Variants in PRKCE observed in about 807,000 individuals in gnomAD.
PRKCE encodes the protein protein kinase C epsilon.
Under a neutral mutation model 85.4 loss-of-function variants are expected in PRKCE, and 16 were observed. The ratio of observed to expected loss-of-function variants is 0.19; its 90% confidence interval spans 0.13 to 0.28. The LOEUF is 0.28. Ranked by LOEUF, PRKCE falls within the 10% of genes least tolerant of loss-of-function variation. PRKCE has a pLI of 1.00. For missense variants in PRKCE, 573 were observed against 975.2 expected (o/e 0.59, Z 5.49); for synonymous variants, 388 against 371.5 (o/e 1.04, Z -0.51).
intron 11 of PRKCE, among the ~76,000 whole-genome samples, chr2:46,135,729 T>C (rs13406773): frequency 0.28 from 37,604 of 133,162 alleles, 5,536 homozygotes; most frequent in Middle Eastern, 0.43. Flanking sequence ...TTACCTTGGG[T>C]TCAGAAACAA....
intron 10 of PRKCE, among the ~76,000 whole-genome samples, chr2:46,023,071 C>G (rs1706807667): frequency 8.6e-6 from 1 of 116,642 alleles, no homozygotes; most frequent in Non-Finnish European, 1.6e-5. Context: ...TCCTGGGCGA[C>G]AGAGCGAGAC....
At position 45,706,131 on chromosome 2, in the gene PRKCE, G is replaced by A. The variant is rs551751712; in HGVS notation, c.348+53683G>A. ...CAGGTGAGTTCTTGAGGTTAGGGTA[G>A]GATGAGAAGCAGTAGAAGCCCTGGG... On this transcript the variant is annotated intron_variant, in intron 1 of 14. Transcript: ENST00000306156. Among the ~76,000 whole-genome samples, 7 of 152,262 alleles carry A rather than the reference G, an allele frequency of 4.6e-5. No individual in the cohort carries two copies. The South Asian group carries it at 1.5e-3, about 32-fold the overall frequency.
rs546930082 is a variant in PRKCE at position 45,778,848 on chromosome 2, A to G, written c.349-64152A>G. On this transcript the variant is annotated intron_variant, in intron 1 of 14. Coordinates refer to ENST00000306156, the MANE Select transcript of PRKCE (RefSeq NM_005400.3). Reference sequence around the variant, plus strand: ...CTCCTGACCCCGGGACATTATTTCTATTACTGTTAATATTTAAACTAATGG... The same window carrying G: ...CTCCTGACCCCGGGACATTATTTCTGTTACTGTTAATATTTAAACTAATGG... Among the ~76,000 whole-genome samples, 3 of 152,210 alleles carry G rather than the reference A, an allele frequency of 2.0e-5. No individual in the cohort carries two copies. In the East Asian group the frequency reaches 5.8e-4, roughly 29 times the overall value.
At chr2:46,030,256 C>T (rs1037771748) in intron 10 of PRKCE, among the ~76,000 whole-genome samples, 2 of 152,196 alleles carry the variant, frequency 1.3e-5, no homozygotes, top group Admixed American at 1.3e-4. Context: ...AGAAAGACAG[C>T]AGACTTGTTG....
chr2:46,123,148 CAAAAA>C (rs71394873), intron 11 of PRKCE, among the ~76,000 whole-genome samples: 2 of 84,294 alleles, frequency 2.4e-5, no homozygotes, highest in African/African-American at 4.8e-5. Flanking sequence ...AGTTCACTAG[CAAAAA>C]AAAAAAAAAA....
chr2:46,128,105 G>T (rs966930777), intron 11 of PRKCE, among the ~76,000 whole-genome samples: 1 of 152,166 alleles, frequency 6.6e-6, no homozygotes, highest in South Asian at 2.1e-4. Context: ...TACAATTCCT[G>T]GACAAATTAT....
intron 14 of PRKCE, among the ~76,000 whole-genome samples, chr2:46,165,336 A>G (rs2104616649): frequency 6.6e-6 from 1 of 152,314 alleles, no homozygotes; most frequent in African/African-American, 2.4e-5. Flanking sequence ...TGTGCCATCA[A>G]CACCAAACCA....
rs1323310352 is a variant in PRKCE, at chr2:46,004,746, G to T, written c.1063+108G>T. 1.6e-5 allele frequency: 15 copies of T among 963,938 alleles called. No homozygotes were observed. The highest frequency in any genetic ancestry group is 2.0e-5 in the Non-Finnish European group (13 of 635,114). 59.7% of individuals were successfully genotyped at this position (963,938 alleles called of 1,614,324 possible). A position where few individuals can be genotyped will look rare whatever the true frequency, so the allele number is the denominator to read the frequency against. ...GTGAGCTTGTTAGCTGAAATAGCTAGCAGCCCTGGTGGGTTTTCACACACC... is the reference window on the plus strand; with the variant it reads ...GTGAGCTTGTTAGCTGAAATAGCTATCAGCCCTGGTGGGTTTTCACACACC... On this transcript the variant is annotated intron_variant, in intron 8 of 14. Coordinates refer to ENST00000306156, the MANE Select transcript of PRKCE (RefSeq NM_005400.3). This position sits in a 1 kb window ranked among gnomAD's most constrained non-coding sequence, Gnocchi z 4.1.
At chr2:45,670,180 C>T (rs969971803) in intron 1 of PRKCE, among the ~76,000 whole-genome samples, 2 of 152,162 alleles carry the variant, frequency 1.3e-5, no homozygotes, top group Non-Finnish European at 2.9e-5. Flanking sequence ...CGTGCCTTCT[C>T]TAATGGGATT....
intron 2 of PRKCE, among the ~76,000 whole-genome samples, chr2:45,896,401 A>C (rs1218434257): frequency 6.6e-6 from 1 of 152,166 alleles, no homozygotes; most frequent in Non-Finnish European, 1.5e-5. Flanking sequence ...GAGGGAGTTA[A>C]AAGAGTTTTT....
intron 2 of PRKCE, among the ~76,000 whole-genome samples, chr2:45,943,478 A>T (rs1437612052): frequency 6.6e-6 from 1 of 152,212 alleles, no homozygotes; most frequent in Non-Finnish European, 1.5e-5. Context: ...TAACATTTGG[A>T]CTTGATCTTG....
chr2:46,000,892 T>C (rs1028740910), intron 6 of PRKCE: 2 of 152,268 alleles, frequency 1.3e-5, no homozygotes, highest in Non-Finnish European at 1.5e-5. Context: ...TTCACTTCAC[T>C]TGGTGGATCT....
rs1245350516 is a variant in PRKCE, at chr2:45,994,583, C to T, written c.824-6821C>T. ...TTGGCACCTTTCACTTAGCAATATG[C>T]ATTTAATGTTCTGCTATGTCTTTTC... On this transcript the variant is annotated intron_variant, in intron 6 of 14. Coordinates refer to ENST00000306156, the MANE Select transcript of PRKCE (RefSeq NM_005400.3). Among the ~76,000 whole-genome samples the T allele has an allele frequency of 2.6e-5, 4 of 152,212 alleles. 1 individual carries two copies. Among genetic ancestry groups the T allele is most frequent in the Non-Finnish European group, 5.9e-5 (4 of 68,046 alleles).
intron 11 of PRKCE, among the ~76,000 whole-genome samples, chr2:46,132,710 G>A (rs546151528): frequency 1.1e-4 from 16 of 152,286 alleles, no homozygotes; most frequent in African/African-American, 2.2e-4. Flanking sequence ...GCACACGTGC[G>A]CGCACAAACA....
chr2:45,888,465 CTTT>C (rs34871432), intron 2 of PRKCE, among the ~76,000 whole-genome samples: 15 of 74,756 alleles, frequency 2.0e-4, no homozygotes, highest in South Asian at 1.3e-3. Context: ...TCCCAACAGT[CTTT>C]TTTTTTTTTT....
At chr2:46,096,311 CACCTAG>C (rs1670676039) in intron 11 of PRKCE, among the ~76,000 whole-genome samples, 1 of 152,194 alleles carries the variant, frequency 6.6e-6, no homozygotes, top group Non-Finnish European at 1.5e-5. Context: ...CAATCTTTGA[CACCTAG>C]TAAGCTCCAT....
chr2:45,713,888 T>C (rs1405349838), intron 1 of PRKCE, among the ~76,000 whole-genome samples: 1 of 152,216 alleles, frequency 6.6e-6, no homozygotes, highest in South Asian at 2.1e-4. Context: ...CAAAGGACTT[T>C]TATTCTATAA....
intron 1 of PRKCE, among the ~76,000 whole-genome samples, chr2:45,773,885 G>A (rs1009710474): frequency 3.9e-5 from 6 of 152,142 alleles, no homozygotes; most frequent in African/African-American, 9.7e-5. Context: ...TGGGTAAGGT[G>A]CCCTGGGCAG....
chr2:46,041,748 A>G lies in PRKCE; in HGVS notation c.1437+31231A>G, dbSNP rs1199400405. Among the ~76,000 whole-genome samples, 2 of 152,170 alleles carry G rather than the reference A, an allele frequency of 1.3e-5. No homozygotes were observed. The highest frequency in any genetic ancestry group is 1.9e-4 in the East Asian group (1 of 5,190). On this transcript the variant is annotated intron_variant, in intron 10 of 14. Transcript: ENST00000306156. This position sits in a 1 kb window ranked among gnomAD's most constrained non-coding sequence, Gnocchi z 5.5. ...CAAAATACTGTATAGATCAGTTTAC[A>G]TTAGATTGTTTAATTAAATTTAAAA...
Sources: gnomAD v4.1 joint callset for allele counts (sites outside exome capture counted in the v4.1 genomes callset) on GRCh38, gnomAD v4.1.1 for gene constraint, Gnocchi (gnomAD v3.1) non-coding constraint, MANE v1.5 for transcripts, NCBI Gene and HGNC (gene_info 2026-07-23, HGNC 2026-07-21) for gene names.